The following HEATR5A variants were observed in gnomAD, a reference collection of about 807,000 sequenced individuals.
The protein encoded by HEATR5A is HEAT repeat containing 5A, also known as HEAT repeat-containing protein 5A.
HEATR5A carries 178 observed loss-of-function variants against 218.8 expected under a neutral mutation model. The ratio of observed to expected loss-of-function variants is 0.81; its 90% CI spans 0.72 to 0.92. HEATR5A has a LOEUF of 0.92. HEATR5A is among the 40% of genes least tolerant of loss of function. HEATR5A has a pLI of 0.00. For synonymous variants in HEATR5A, 864 were observed against 871.6 expected, an observed-to-expected ratio of 0.99 and a Z score of 0.15; for missense variants, 2,420 against 2,418.9, an observed-to-expected ratio of 1.00 and a Z score of -0.01.
At chr14:31,368,332 C>A (rs1160247431) in intron 13 of HEATR5A, among the ~76,000 whole-genome samples, 1 of 152,124 alleles carries the variant, frequency 6.6e-6, no homozygotes, top group Non-Finnish European at 1.5e-5. Flanking sequence ...GCCTCCAGAA[C>A]TGTTAGAAAT....
At chr14:31,414,788 C>G (rs1566787598) in intron 1 of HEATR5A, among the ~76,000 whole-genome samples, 1 of 152,176 alleles carries the variant, frequency 6.6e-6, no homozygotes. Context: ...TTAATCCACA[C>G]TATGGTCTAA....
intron 22 of HEATR5A, among the ~76,000 whole-genome samples, chr14:31,328,115 AT>A (rs922801083): frequency 1.6e-4 from 24 of 147,290 alleles, no homozygotes; most frequent in African/African-American, 3.5e-4. Flanking sequence ...TGCCCAGCTA[AT>A]TTTTTTTTTT....
In HEATR5A at chr14:31,398,819, A is replaced by C. The variant is rs193122840; in HGVS notation, c.339-38T>G. ...TTAAATTAGAAATTAGTCACAGCTG[A>C]AAAAATAGGAATAAAAAGATCTTAG... On this transcript the variant is annotated intron_variant, in intron 3 of 35. Transcript: ENST00000543095. 18 of 1,119,294 alleles carry C rather than the reference A, an allele frequency of 1.6e-5. No homozygotes were observed. In the East Asian group the frequency reaches 4.6e-4, roughly 29 times the overall value. 69.3% of individuals were successfully genotyped at this position (1,119,294 alleles called of 1,614,324 possible). A position where few individuals can be genotyped will look rare whatever the true frequency, so the allele number is the denominator to read the frequency against.
intron 12 of HEATR5A, among the ~76,000 whole-genome samples, chr14:31,373,084 G>A (rs1301364862): frequency 6.6e-6 from 1 of 151,946 alleles, no homozygotes; most frequent in African/African-American, 2.4e-5. Context: ...ACCATGTCTG[G>A]CTAATTTTTG....
rs1899067735 is a variant in HEATR5A, at chr14:31,292,924, A to T, written c.*381T>A. The stretch of plus-strand genomic sequence containing the variant: ...AGCAATTGGGATACAATATTAGTGC[A>T]GATAATTTACACTAGAGTCATATTT... On this transcript the variant is annotated 3_prime_UTR_variant, in exon 36 of 36. Coordinates refer to ENST00000543095, the MANE Select transcript of HEATR5A (RefSeq NM_015473.4). 1 of 161,394 alleles carries T rather than the reference A, an allele frequency of 6.2e-6. No individual in the cohort carries two copies. Among genetic ancestry groups the T allele is most frequent in the Non-Finnish European group, 1.4e-5 (1 of 73,996 alleles). 10.0% of individuals were successfully genotyped at this position (161,394 alleles called of 1,614,324 possible). A position where few individuals can be genotyped will look rare whatever the true frequency, so the allele number is the denominator to read the frequency against.
chr14:31,419,014 T>C (rs1459452363), intron 1 of HEATR5A, among the ~76,000 whole-genome samples: 1 of 152,150 alleles, frequency 6.6e-6, no homozygotes, highest in Non-Finnish European at 1.5e-5. Flanking sequence ...AAAAGGTACT[T>C]TGGAGTCATG....
intron 22 of HEATR5A, among the ~76,000 whole-genome samples, chr14:31,336,217 C>CATATAT (rs3033610): frequency 1.2e-3 from 45 of 38,162 alleles, no homozygotes; most frequent in South Asian, 7.8e-3. Flanking sequence ...TACATACATA[C>CATATAT]ATATATATAT....
Position 31,309,013 on chromosome 14 carries a change from G to A in HEATR5A, c.4611C>T (p.Ser1537=), listed in dbSNP as rs1447036124. The A allele has an allele frequency of 2.5e-6, 4 of 1,613,780 alleles. No homozygotes were observed. The Admixed American group carries it at 5.0e-5, about 20-fold the overall frequency. Reference sequence around the variant, plus strand: ...CCCCAGATGATGAACCCTGACACATGGAAGTTGGTGTTACAGGCCTGGAGA... The same window carrying A: ...CCCCAGATGATGAACCCTGACACATAGAAGTTGGTGTTACAGGCCTGGAGA... The part of the protein sequence containing the change: ...SNLSRPVTPT[S]MCQGSSSGAT... Residue 1537 remains serine (S), a synonymous_variant, in exon 29 of 36, where the codon TCC becomes TCT. Coordinates refer to ENST00000543095, the MANE Select transcript of HEATR5A (RefSeq NM_015473.4).
intron 1 of HEATR5A, among the ~76,000 whole-genome samples, chr14:31,414,996 T>C (rs1176095211): frequency 1.3e-5 from 2 of 152,090 alleles, no homozygotes; most frequent in South Asian, 4.1e-4. Context: ...CGCACCACCA[T>C]GCCCAGCTAA....
At chr14:31,375,111 A>G in intron 11 of HEATR5A, 143 bp from the exon 12 acceptor site, 1 of 687,492 alleles carries the variant, frequency 1.5e-6, no homozygotes, top group Non-Finnish European at 2.4e-6. Flanking sequence ...TCAGGTTCCA[A>G]ATTATTACTG....
rs146610549 is a variant in HEATR5A at position 31,394,410 on chromosome 14, A to T, written c.598-184T>A. On this transcript the variant is annotated intron_variant, in intron 5 of 35. Transcript: ENST00000543095. Reference sequence around the variant, plus strand: ...TCATAAAGATTATATTATAGAAGAGAATGAACCTACAAAAGGTGGGAGGAG... The same window carrying T: ...TCATAAAGATTATATTATAGAAGAGTATGAACCTACAAAAGGTGGGAGGAG... Among the ~76,000 whole-genome samples the T allele has an allele frequency of 4.6e-4, 70 of 152,330 alleles. No individual in the cohort carries two copies. In the East Asian group the frequency reaches 7.7e-3, roughly 17 times the overall value.
intron 22 of HEATR5A, among the ~76,000 whole-genome samples, chr14:31,331,813 G>A (rs1307566274): frequency 1.3e-5 from 2 of 152,168 alleles, no homozygotes; most frequent in African/African-American, 2.4e-5. Context: ...GAAGGGGCAA[G>A]AGCCCCTTAT....
chr14:31,353,595 G>A (rs974627414), intron 16 of HEATR5A, among the ~76,000 whole-genome samples: 1 of 152,102 alleles, frequency 6.6e-6, no homozygotes, highest in Non-Finnish European at 1.5e-5. Flanking sequence ...AAATTAGCCA[G>A]TGTATTGGTG....
chr14:31,353,524 C>A (rs945517052), intron 16 of HEATR5A, among the ~76,000 whole-genome samples: 2 of 151,996 alleles, frequency 1.3e-5, no homozygotes, highest in Non-Finnish European at 1.5e-5. Context: ...TCGCTTGAGC[C>A]CATGAGTTCG....
chr14:31,386,608 C>G, intron 8 of HEATR5A, 33 bp from the exon 9 acceptor site: 1 of 1,533,186 alleles, frequency 6.5e-7, no homozygotes, highest in South Asian at 1.3e-5. Context: ...CTATGCATAA[C>G]CACTGTATTA....
chr14:31,357,141 C>T (rs1334970148), intron 16 of HEATR5A, among the ~76,000 whole-genome samples: 1 of 152,170 alleles, frequency 6.6e-6, no homozygotes, highest in Non-Finnish European at 1.5e-5. Flanking sequence ...ATCACCATAA[C>T]CTTATAGTTA....
chr14:31,349,255 G>A lies in HEATR5A; in HGVS notation c.2708+534C>T, dbSNP rs143694064. Among the ~76,000 whole-genome samples the A allele has an allele frequency of 2.5e-3, 383 of 152,204 alleles. 2 individuals are homozygous for A. The highest frequency in any genetic ancestry group is 8.4e-3 in the African/African-American group (348 of 41,530). ...AAATACAAAAAGTAGCCGGGTGGTGGCACATGCCTGTAATCCCAGCTACTC... is the reference window on the plus strand; with the variant it reads ...AAATACAAAAAGTAGCCGGGTGGTGACACATGCCTGTAATCCCAGCTACTC... On this transcript the variant is annotated intron_variant, in intron 18 of 35. Transcript: ENST00000543095.
intron 1 of HEATR5A, among the ~76,000 whole-genome samples, chr14:31,410,740 C>T (rs2031243121): frequency 6.6e-6 from 1 of 152,158 alleles, no homozygotes; most frequent in Non-Finnish European, 1.5e-5. Flanking sequence ...TTGTCTGTAT[C>T]AATTCCATCT....
chr14:31,321,486 A>C lies in HEATR5A; in HGVS notation c.3969+13T>G, dbSNP rs1472681765. ...GTGTTTAATAATAAAATTCTCTAAA[A>C]GAAAGTGCTTACATTGGCTTGATAC... is the stretch of plus-strand genomic sequence containing the variant. On this transcript the variant is annotated intron_variant, in intron 25 of 35. Transcript: ENST00000543095. The C allele has an allele frequency of 6.4e-7, 1 of 1,556,556 alleles. No individual in the cohort carries two copies. The highest frequency in any genetic ancestry group is 1.4e-5 in the African/African-American group (1 of 73,168).
Sources: gnomAD v4.1 joint callset for allele counts (sites outside exome capture counted in the v4.1 genomes callset) on GRCh38, gnomAD v4.1.1 for gene constraint, MANE v1.5 for transcripts, NCBI Gene and HGNC (gene_info 2026-07-23, HGNC 2026-07-21) for gene names.